SLC35F1: variants seen among roughly 807,000 people sequenced by gnomAD.
SLC35F1 encodes chromosome 6 open reading frame 169.
In SLC35F1, 14 loss-of-function variants were observed where a neutral mutation model predicts 48.7. The observed-to-expected ratio is 0.29, with a 90% CI of 0.19 to 0.45. The LOEUF (loss-of-function observed/expected upper bound fraction) is 0.45, where lower values mean the gene tolerates loss of function less well. Among genes scored for constraint, SLC35F1 ranks in the 20% least tolerant of loss-of-function variants. The pLI, the probability that SLC35F1 is intolerant of heterozygous loss-of-function variation, is 1.00. For missense variants in SLC35F1, 404 were observed against 500.0 expected (o/e 0.81, Z 1.83); for synonymous variants, 190 against 202.2 (o/e 0.94, Z 0.51).
chr6:118,152,574 G>C (rs1362060996), intron 1 of SLC35F1, among the ~76,000 whole-genome samples: 1 of 152,148 alleles, frequency 6.6e-6, no homozygotes, highest in Non-Finnish European at 1.5e-5. Context: ...ATGATGCCTG[G>C]CTGGATTTCT....
At chr6:118,109,249 A>G (rs1773364977) in intron 1 of SLC35F1, among the ~76,000 whole-genome samples, 1 of 152,348 alleles carries the variant, frequency 6.6e-6, no homozygotes, top group African/African-American at 2.4e-5. Context: ...TGTGGAGCAT[A>G]TAGAAAAATG....
At chr6:118,249,842 C>T (rs1775550855) in intron 3 of SLC35F1, among the ~76,000 whole-genome samples, 1 of 152,004 alleles carries the variant, frequency 6.6e-6, no homozygotes, top group Non-Finnish European at 1.5e-5. Context: ...TGGGCATTTC[C>T]TGAGGCCATT....
chr6:118,299,546 A>G (rs1776232129), intron 7 of SLC35F1, among the ~76,000 whole-genome samples: 1 of 152,238 alleles, frequency 6.6e-6, no homozygotes, highest in Admixed American at 6.5e-5. Context: ...ATGTGATGAT[A>G]TAGTAATATA....
chr6:118,083,857 T>C (rs1039538801), intron 1 of SLC35F1, among the ~76,000 whole-genome samples: 2 of 152,220 alleles, frequency 1.3e-5, no homozygotes, highest in African/African-American at 4.8e-5. Context: ...AAATGCAAAC[T>C]GTCTGTGCTA....
At chr6:117,936,436 C>A (rs80105397) in intron 1 of SLC35F1, among the ~76,000 whole-genome samples, 4,967 of 152,266 alleles carry the variant, frequency 0.033, 116 homozygotes, top group South Asian at 0.053. Context: ...CTTCCTGCTG[C>A]CTTGTCTGTC....
intron 2 of SLC35F1, among the ~76,000 whole-genome samples, chr6:118,205,917 G>A (rs1774930096): frequency 6.6e-6 from 1 of 152,122 alleles, no homozygotes; most frequent in African/African-American, 2.4e-5. Flanking sequence ...CCACTTATAT[G>A]AGGTATATAG....
intron 1 of SLC35F1, among the ~76,000 whole-genome samples, chr6:118,082,197 A>T (rs972155995): frequency 6.6e-6 from 1 of 152,230 alleles, no homozygotes; most frequent in Non-Finnish European, 1.5e-5. Context: ...ACGATTCTTT[A>T]AAAAACCAAG....
chr6:118,107,930 C>T lies in SLC35F1; in HGVS notation c.174-46515C>T, dbSNP rs543421066. On this transcript the variant is annotated intron_variant, in intron 1 of 7. Coordinates refer to ENST00000360388, the MANE Select transcript of SLC35F1 (RefSeq NM_001029858.4). ...GCCTTGAGTTTTATCAATAGGTGACCTTTCCTATTGGAACTGTGTGGCCTC... is the reference window on the plus strand; with the variant it reads ...GCCTTGAGTTTTATCAATAGGTGACTTTTCCTATTGGAACTGTGTGGCCTC... Among the ~76,000 whole-genome samples the T allele has an allele frequency of 6.6e-4, 100 of 152,168 alleles. 1 individual carries two copies. The highest frequency in any genetic ancestry group is 1.1e-3 in the Non-Finnish European group (72 of 67,998).
At chr6:118,311,664 G>A (rs112909203) in intron 7 of SLC35F1, among the ~76,000 whole-genome samples, 1 of 152,108 alleles carries the variant, frequency 6.6e-6, no homozygotes. Flanking sequence ...GGTGGCAGGC[G>A]CCTGTAGTTC....
intron 1 of SLC35F1, among the ~76,000 whole-genome samples, chr6:118,000,550 T>G (rs60811551): frequency 0.02 from 2,997 of 152,214 alleles, 103 homozygotes; most frequent in African/African-American, 0.068. Context: ...AGACAGGGAT[T>G]CCCTCTCTCA....
intron 2 of SLC35F1, among the ~76,000 whole-genome samples, chr6:118,213,713 A>G (rs1315663898): frequency 6.6e-6 from 1 of 152,244 alleles, no homozygotes; most frequent in Non-Finnish European, 1.5e-5. Flanking sequence ...GCAAAATTAT[A>G]TATAGATCAA....
At chr6:118,055,024 C>T (rs574507549) in intron 1 of SLC35F1, among the ~76,000 whole-genome samples, 1 of 152,294 alleles carries the variant, frequency 6.6e-6, no homozygotes, top group East Asian at 1.9e-4. Flanking sequence ...ATCCGCCTGC[C>T]TCGGCCTCCC....
intron 1 of SLC35F1, among the ~76,000 whole-genome samples, chr6:118,116,251 G>A (rs1037903251): frequency 1.3e-5 from 2 of 152,292 alleles, no homozygotes; most frequent in African/African-American, 4.8e-5. Flanking sequence ...GAGCTGGCCT[G>A]CTACTCAACC....
rs568129184 is a variant in SLC35F1, at chr6:118,259,797, T to C, written c.478-7198T>C. 1.9e-3 allele frequency among the ~76,000 whole-genome samples: 282 copies of C among 152,116 alleles called. 1 individual carries two copies. Among genetic ancestry groups the C allele is most frequent in the African/African-American group, 6.6e-3 (275 of 41,528 alleles). On this transcript the variant is annotated intron_variant, in intron 3 of 7. Transcript: ENST00000360388. ...TGTGATTGCAGAATGGAATGGACACTGGAAAAGAGTTTAGCAATTCCTCAA... is the reference window on the plus strand; with the variant it reads ...TGTGATTGCAGAATGGAATGGACACCGGAAAAGAGTTTAGCAATTCCTCAA...
intron 1 of SLC35F1, among the ~76,000 whole-genome samples, chr6:117,994,702 G>A (rs1237404060): frequency 2.6e-5 from 4 of 152,198 alleles, no homozygotes; most frequent in African/African-American, 9.6e-5. Flanking sequence ...GTGAAAAAAT[G>A]TTAGCATAAA....
intron 1 of SLC35F1, among the ~76,000 whole-genome samples, chr6:118,138,096 G>C (rs1773823898): frequency 6.6e-6 from 1 of 151,984 alleles, no homozygotes; most frequent in South Asian, 2.1e-4. Context: ...ATCACCTGAG[G>C]CAGGAGGTTC....
At chr6:117,937,111 A>G (rs544854973) in intron 1 of SLC35F1, among the ~76,000 whole-genome samples, 2 of 152,318 alleles carry the variant, frequency 1.3e-5, no homozygotes, top group East Asian at 3.9e-4. Context: ...GGATGAGGAA[A>G]CATTTTCACT....
At chr6:118,080,533 C>A (rs937094284) in intron 1 of SLC35F1, among the ~76,000 whole-genome samples, 1 of 152,174 alleles carries the variant, frequency 6.6e-6, no homozygotes, top group Non-Finnish European at 1.5e-5. Context: ...AAATTGGCTG[C>A]ATAGTAAAAA....
At chr6:118,045,142 A>G (rs1240829583) in intron 1 of SLC35F1, among the ~76,000 whole-genome samples, 1 of 152,200 alleles carries the variant, frequency 6.6e-6, no homozygotes, top group African/African-American at 2.4e-5. Context: ...TTTGTTTGAC[A>G]AATGTATTCT....
Sources: allele counts gnomAD v4.1 joint callset (sites outside exome capture counted in the v4.1 genomes callset), GRCh38; gene constraint gnomAD v4.1.1; transcripts MANE v1.5; gene names NCBI Gene and HGNC (gene_info 2026-07-23, HGNC 2026-07-21).